Variants in RPGRIP1 observed in about 807,000 individuals in gnomAD.
RPGRIP1 encodes X-linked retinitis pigmentosa GTPase regulator-interacting protein 1.
A neutral mutation model predicts 157.9 loss-of-function variants in RPGRIP1; 128 were observed. The ratio of observed to expected loss-of-function variants is 0.81; its 90% CI spans 0.70 to 0.94. The LOEUF is 0.94. RPGRIP1 is among the 40% of genes least tolerant of loss of function. The pLI is 0.00. For synonymous variants in RPGRIP1, 554 were observed against 571.6 expected, an observed-to-expected ratio of 0.97 and a Z score of 0.44; for missense variants, 1,486 against 1,545.8, an observed-to-expected ratio of 0.96 and a Z score of 0.65.
Position 21,307,933 on chromosome 14 carries a change from T to C in RPGRIP1, c.906+97T>C, listed in dbSNP as rs183024141. 12 of 688,374 alleles carry C rather than the reference T, an allele frequency of 1.7e-5. No individual in the cohort carries two copies. In the Admixed American group the frequency reaches 2.2e-4, roughly 12 times the overall value. The allele number at this position is 688,374 out of a possible 1,614,324, so 42.6% of individuals were successfully genotyped here. On this transcript the variant is annotated intron_variant, in intron 7 of 24. Coordinates refer to ENST00000400017, the MANE Select transcript of RPGRIP1 (RefSeq NM_020366.4). ...CCATTTTAAATATGAGAAGCCACAA[T>C]TCAGAAAGACAATTTATAAGTGATA...
chr14:21,287,305 C>T (rs1467632490), intron 1 of RPGRIP1, among the ~76,000 whole-genome samples: 1 of 152,018 alleles, frequency 6.6e-6, no homozygotes, highest in African/African-American at 2.4e-5. Flanking sequence ...TACTATCATC[C>T]AGGAAAAAAA....
chr14:21,340,409 C>T (rs1234231886), intron 21 of RPGRIP1, among the ~76,000 whole-genome samples: 1 of 152,162 alleles, frequency 6.6e-6, no homozygotes, highest in Non-Finnish European at 1.5e-5. Flanking sequence ...AGTCCCAACA[C>T]TTTGGGAGGC....
chr14:21,307,871 G>GGGGGGGT, intron 7 of RPGRIP1, 35 bp downstream of exon 7: 1 of 1,168,678 alleles, frequency 8.6e-7, no homozygotes, highest in Non-Finnish European at 1.2e-6. Flanking sequence ...TTTCTTGGTG[G>GGGGGGGT]GGGGAAACCC....
At chr14:21,301,455 G>C (rs1881024891) in intron 4 of RPGRIP1, among the ~76,000 whole-genome samples, 1 of 151,970 alleles carries the variant, frequency 6.6e-6, no homozygotes. Flanking sequence ...GGCAGAATCA[G>C]ACAACAGGTC....
chr14:21,306,876 A>G (rs543688456), intron 6 of RPGRIP1, among the ~76,000 whole-genome samples: 2 of 151,416 alleles, frequency 1.3e-5, no homozygotes, highest in South Asian at 4.2e-4. Context: ...CCCAGGTTCA[A>G]GCAATTCTCC....
Position 21,294,727 on chromosome 14 carries a change from T to A in RPGRIP1, c.136T>A (p.Leu46Met), listed in dbSNP as rs777888377. 6.2e-7 allele frequency: 1 copy of A among 1,613,404 alleles called. No homozygotes were observed. The highest frequency in any genetic ancestry group is 1.3e-5 in the African/African-American group (1 of 74,958). Residue 46 changes from leucine to methionine, a missense_variant, in exon 3 of 25, where the codon TTG becomes ATG. Transcript: ENST00000400017. ...PPLSRMNREE[L>M]EDSFFRLRED... ...CTTGAGCAGGATGAACCGGGAGGAA[T>A]TGGAGGACAGTTTCTTTCGACTTCG...
intron 14 of RPGRIP1, chr14:21,324,391 C>T: frequency 1.7e-6 from 1 of 580,724 alleles, no homozygotes; most frequent in South Asian, 2.0e-5. Flanking sequence ...TTTCCAGTCA[C>T]TCCTTTTGTA....
In RPGRIP1 at chr14:21,325,055, T is replaced by C. The variant is rs776189594; in HGVS notation, c.2200T>C (p.Leu734=). Residue 734 remains leucine, a synonymous_variant, in exon 15 of 25, where the codon TTG becomes CTG. Transcript: ENST00000400017. ...AGAGACTGTGGAGAAAGTCCATGGC[T>C]TGGCCACACTGATTGGTAAGTGCCG... ...VLETVEKVHG[L]ATLIGAGGEE... 7 of 1,609,764 alleles carry C rather than the reference T, an allele frequency of 4.3e-6. No individual in the cohort carries two copies. Among genetic ancestry groups the C allele is most frequent in the Non-Finnish European group, 5.9e-6 (7 of 1,176,552 alleles).
intron 21 of RPGRIP1, among the ~76,000 whole-genome samples, chr14:21,341,242 G>A (rs1227259219): frequency 6.6e-6 from 1 of 152,092 alleles, no homozygotes; most frequent in Non-Finnish European, 1.5e-5. Flanking sequence ...TGTTGGCCAG[G>A]CTGGTTTTGA....
rs570561234 is a variant in RPGRIP1, at chr14:21,338,035, C to G, written c.3339+3330C>G. ...AGGTTCAAGCAATTCTCCTGTCTCA[C>G]CCTCCCGAGTAGCTGGGACTACAGG... is the stretch of plus-strand genomic sequence containing the variant. On this transcript the variant is annotated intron_variant, in intron 21 of 24. Transcript: ENST00000400017. 7.9e-5 allele frequency among the ~76,000 whole-genome samples: 12 copies of G among 152,034 alleles called. No homozygotes were observed. The South Asian group carries it at 1.5e-3, about 18-fold the overall frequency.
intron 14 of RPGRIP1, among the ~76,000 whole-genome samples, chr14:21,322,782 C>A (rs1469928915): frequency 2.0e-5 from 3 of 152,138 alleles, no homozygotes; most frequent in Non-Finnish European, 4.4e-5. Flanking sequence ...GCTCTAAAAT[C>A]TTTGTTGCAA....
At chr14:21,288,135 T>C (rs1322919986) in intron 2 of RPGRIP1, 74 bp downstream of exon 2, 1 of 948,438 alleles carries the variant, frequency 1.1e-6, no homozygotes, top group Non-Finnish European at 1.7e-6. Context: ...TTGCTGGCCT[T>C]CACAGAGACT....
At chr14:21,298,769 G>A (rs887614522) in intron 3 of RPGRIP1, among the ~76,000 whole-genome samples, 5 of 151,204 alleles carry the variant, frequency 3.3e-5, no homozygotes, top group South Asian at 2.1e-4. Flanking sequence ...GTGAAACCCC[G>A]TCTCTACTAA....
intron 1 of RPGRIP1, among the ~76,000 whole-genome samples, chr14:21,280,507 A>G (rs1213907607): frequency 1.3e-5 from 2 of 152,098 alleles, no homozygotes; most frequent in African/African-American, 4.8e-5. Context: ...CGGCCTCCCA[A>G]AGTGCTGGGA....
chr14:21,282,053 A>G (rs1292409702), intron 1 of RPGRIP1, among the ~76,000 whole-genome samples: 2 of 152,004 alleles, frequency 1.3e-5, no homozygotes, highest in Non-Finnish European at 2.9e-5. Context: ...TGAGATTGCA[A>G]CATTGCACTC....
chr14:21,316,166 A>G (rs985229652), intron 10 of RPGRIP1, among the ~76,000 whole-genome samples: 1 of 151,364 alleles, frequency 6.6e-6, no homozygotes, highest in African/African-American at 2.4e-5. Flanking sequence ...TTTAGTAGAG[A>G]CGGGGTTTCA....
Position 21,348,080 on chromosome 14 carries a change from CGTT to C in RPGRIP1, c.3618-89_3618-87del, listed in dbSNP as rs71419130. The C allele has an allele frequency of 3.2e-4, 338 of 1,053,450 alleles. 1 individual carries two copies. In the South Asian group the frequency reaches 4.3e-3, roughly 13 times the overall value. 65.3% of individuals were successfully genotyped at this position (1,053,450 alleles called of 1,614,324 possible). A position where few individuals can be genotyped will look rare whatever the true frequency, so the allele number is the denominator to read the frequency against. ...CAAGGGAAAAGTGATTCAGAGAAGACGTTGTATTGTTTATGATTACTTTTATCC... is the reference window on the plus strand; with the variant it reads ...CAAGGGAAAAGTGATTCAGAGAAGACGTATTGTTTATGATTACTTTTATCC... On this transcript the variant is annotated intron_variant, in intron 23 of 24. Transcript: ENST00000400017.
intron 17 of RPGRIP1, among the ~76,000 whole-genome samples, chr14:21,326,606 G>A (rs1051637280): frequency 6.6e-6 from 1 of 152,156 alleles, no homozygotes; most frequent in East Asian, 1.9e-4. Flanking sequence ...CCGACCTCAG[G>A]TGAACCTCCC....
chr14:21,303,787 G>T (rs1305345976), intron 6 of RPGRIP1, among the ~76,000 whole-genome samples: 1 of 151,796 alleles, frequency 6.6e-6, no homozygotes, highest in Non-Finnish European at 1.5e-5. Context: ...AGGAGTTCGA[G>T]ACCAGCCTCG....
Sources: gnomAD v4.1 joint callset for allele counts (sites outside exome capture counted in the v4.1 genomes callset) on GRCh38, gnomAD v4.1.1 for gene constraint, MANE v1.5 for transcripts, NCBI Gene and HGNC (gene_info 2026-07-23, HGNC 2026-07-21) for gene names.